Variants in ERMP1 observed in about 807,000 individuals in gnomAD.
The protein encoded by ERMP1 is Felix-ina.
ERMP1 carries 86 observed loss-of-function variants against 92.0 expected under a neutral mutation model. The observed-to-expected ratio is 0.93, with a 90% CI of 0.79 to 1.12. The LOEUF (loss-of-function observed/expected upper bound fraction) is 1.12. Among genes scored for constraint, ERMP1 ranks in the 50% most tolerant of loss-of-function variants. The pLI, the probability that ERMP1 is intolerant of heterozygous loss-of-function variation, is 0.00. For missense variants in ERMP1, 1,342 were observed against 1,116.3 expected, an observed-to-expected ratio of 1.20 and a Z score of -2.88; for synonymous variants, 530 against 412.8, an observed-to-expected ratio of 1.28 and a Z score of -3.44.
In ERMP1 at chr9:5,805,747, G is replaced by C; in HGVS notation, c.1587C>G (p.Asp529Glu). The C allele has an allele frequency of 1.2e-6, 2 of 1,609,746 alleles. No individual in the cohort carries two copies. ...AACAGCAATGGACAAACAGCGAAAT[G>C]TCAAAAAATACTTCTCCCAGATACT... The part of the protein sequence containing the change: ...SAQYLGEVFF[D>E]ISLFVHCCFL... The change falls in exon 9 of 15, where the codon GAC becomes GAG. Residue 529 changes from aspartate (D) to glutamate (E), a missense_variant. Transcript: ENST00000339450.
intron 6 of ERMP1, among the ~76,000 whole-genome samples, chr9:5,846,202 C>G (rs1281364461): frequency 1.3e-5 from 2 of 152,080 alleles, no homozygotes; most frequent in African/African-American, 4.8e-5. Flanking sequence ...GAGGCAAGGC[C>G]AGGGACAGCA....
chr9:5,866,440 G>C (rs1830665390), intron 5 of ERMP1, among the ~76,000 whole-genome samples: 1 of 152,222 alleles, frequency 6.6e-6, no homozygotes, highest in Non-Finnish European at 1.5e-5. Flanking sequence ...CCTCCACACA[G>C]CCTGGGGGCT....
In ERMP1 at chr9:5,861,168, GGGGTGTGTGTGT is replaced by G. The variant is rs1346414652; in HGVS notation, n.3056-1569_3056-1558del. ...AGGCAGTGAACCCACAATGGCTTAG[GGGGTGTGTGTGT>G]GTGTGTGTGTGTGTGTGTGTGTGTG... On this transcript the variant is annotated intron_variant and non_coding_transcript_variant, in intron 5 of 6. Transcript: ENST00000690753. Among the ~76,000 whole-genome samples the G allele has an allele frequency of 4.9e-3, 580 of 117,630 alleles. 10 individuals carry two copies. The highest frequency in any genetic ancestry group is 0.02 in the African/African-American group (565 of 28,298). 77.2% of individuals were successfully genotyped at this position (117,630 alleles called of 152,430 possible). A position where few individuals can be genotyped will look rare whatever the true frequency, so the allele number is the denominator to read the frequency against.
chr9:5,855,838 G>C (rs1365787833), intron 6 of ERMP1: 10 of 180,628 alleles, frequency 5.5e-5, no homozygotes, highest in Non-Finnish European at 2.4e-5. Context: ...TAGACTTAGG[G>C]CCAGATTTTA....
chr9:5,819,140 TA>T (rs1261177207), intron 4 of ERMP1, among the ~76,000 whole-genome samples: 3 of 152,058 alleles, frequency 2.0e-5, no homozygotes, highest in Non-Finnish European at 4.4e-5. Context: ...AGCATTATCA[TA>T]AAAGTCTAAA....
chr9:5,842,569 T>C lies in ERMP1; in HGVS notation n.3200-9257A>G, dbSNP rs548885818. 1.3e-5 allele frequency among the ~76,000 whole-genome samples: 2 copies of C among 152,330 alleles called. 1 individual carries two copies. Among genetic ancestry groups the C allele is most frequent in the South Asian group, 4.1e-4 (2 of 4,830 alleles). On this transcript the variant is annotated intron_variant and non_coding_transcript_variant, in intron 6 of 6. Transcript: ENST00000690753. ...TCACTTTTAAAACAATTTTATATTA[T>C]GTAAATTTCACCTCAATCAGAAACA...
chr9:5,850,618 G>A (rs1422077180), intron 6 of ERMP1, among the ~76,000 whole-genome samples: 1 of 151,754 alleles, frequency 6.6e-6, no homozygotes, highest in Non-Finnish European at 1.5e-5. Flanking sequence ...CTCTACATAA[G>A]AACTAGATGA....
chr9:5,852,443 A>G (rs1000825874), intron 6 of ERMP1, among the ~76,000 whole-genome samples: 26 of 151,892 alleles, frequency 1.7e-4, no homozygotes, highest in African/African-American at 6.0e-4. Flanking sequence ...TTTTGTAGAG[A>G]TGGTCTTTTG....
intron 6 of ERMP1, among the ~76,000 whole-genome samples, chr9:5,841,926 C>T (rs1830168326): frequency 1.3e-5 from 2 of 152,130 alleles, no homozygotes; most frequent in African/African-American, 2.4e-5. Context: ...CACATATCTT[C>T]GCAGTGAGTG....
chr9:5,791,350 TG>T, intron 13 of ERMP1: 1 of 455,338 alleles, frequency 2.2e-6, no homozygotes, highest in South Asian at 1.6e-5. Context: ...TCCCTCTCCT[TG>T]GGGAAGGTCA....
chr9:5,856,346 A>C (rs1221517341), intron 6 of ERMP1: 1 of 211,682 alleles, frequency 4.7e-6, no homozygotes, highest in Non-Finnish European at 1.0e-5. Flanking sequence ...AGAAATGGCC[A>C]TTGGAGAGAT....
At chr9:5,844,726 C>G (rs1366644677) in intron 6 of ERMP1, among the ~76,000 whole-genome samples, 2 of 152,210 alleles carry the variant, frequency 1.3e-5, no homozygotes, top group Non-Finnish European at 2.9e-5. Context: ...CTCCTCATCC[C>G]CTTTTTGTTT....
intron 4 of ERMP1, among the ~76,000 whole-genome samples, chr9:5,814,292 C>A (rs1051559863): frequency 6.6e-6 from 1 of 152,118 alleles, no homozygotes; most frequent in African/African-American, 2.4e-5. Flanking sequence ...AAGAAATAAG[C>A]CTTTGCTGTT....
intron 5 of ERMP1, among the ~76,000 whole-genome samples, chr9:5,867,080 T>C (rs1228676681): frequency 6.6e-6 from 1 of 152,112 alleles, no homozygotes; most frequent in African/African-American, 2.4e-5. Flanking sequence ...CCTATAGTCC[T>C]GGCTACTTGG....
chr9:5,827,010 T>C lies in ERMP1; in HGVS notation c.641-1791A>G, dbSNP rs139316322. Among the ~76,000 whole-genome samples, 401 of 152,270 alleles carry C rather than the reference T, an allele frequency of 2.6e-3. 4 individuals carry two copies. The highest frequency in any genetic ancestry group is 9.1e-3 in the African/African-American group (377 of 41,546). On this transcript the variant is annotated intron_variant, in intron 2 of 14. Transcript: ENST00000339450. ...GGCTAGGTGGTTAGCTGACATCCCT[T>C]TCCATTTAGAATTAACCTTGAAATT... is the stretch of plus-strand genomic sequence containing the variant.
At chr9:5,832,630 GA>G (rs1829993541) in intron 1 of ERMP1, 59 bp downstream of exon 1, 1 of 1,286,194 alleles carries the variant, frequency 7.8e-7, no homozygotes, top group Non-Finnish European at 1.0e-6. Flanking sequence ...CGGTGCCCCG[GA>G]GCCTGCGCAG....
At chr9:5,809,896 C>A in intron 8 of ERMP1, 115 bp downstream of exon 8, 1 of 689,614 alleles carries the variant, frequency 1.5e-6, no homozygotes, top group South Asian at 1.7e-5. Context: ...TTTTCCATAA[C>A]CATGCTGAAC....
intron 5 of ERMP1, among the ~76,000 whole-genome samples, chr9:5,865,269 G>C (rs1434672117): frequency 6.6e-6 from 1 of 151,854 alleles, no homozygotes; most frequent in African/African-American, 2.4e-5. Context: ...CACTTTGGGA[G>C]GCCAAGGCGG....
At chr9:5,814,957 T>G (rs973548547) in intron 4 of ERMP1, among the ~76,000 whole-genome samples, 2 of 152,136 alleles carry the variant, frequency 1.3e-5, no homozygotes, top group African/African-American at 4.8e-5. Context: ...TAACTGATGT[T>G]GCGAATTTTA....
Sources: allele counts gnomAD v4.1 joint callset (sites outside exome capture counted in the v4.1 genomes callset), GRCh38; gene constraint gnomAD v4.1.1; transcripts MANE v1.5; gene names NCBI Gene and HGNC (gene_info 2026-07-23, HGNC 2026-07-21).